The following PRKG1 variants were observed in gnomAD, a reference collection of about 807,000 sequenced individuals.
PRKG1 encodes protein kinase cGMP-dependent 1.
Under a neutral mutation model 88.1 loss-of-function variants are expected in PRKG1, and 35 were observed. The ratio of observed to expected loss-of-function variants is 0.40; its 90% CI spans 0.30 to 0.53. The LOEUF is 0.53. PRKG1 is among the 20% of genes least tolerant of loss of function. PRKG1 has a pLI of 0.59. For missense variants in PRKG1, 540 were observed against 839.8 expected (o/e 0.64, Z 4.41); for synonymous variants, 303 against 292.5 (o/e 1.04, Z -0.37).
intron 3 of PRKG1, among the ~76,000 whole-genome samples, chr10:51,681,546 A>G (rs968534178): frequency 2.6e-5 from 4 of 152,100 alleles, no homozygotes; most frequent in African/African-American, 9.7e-5. Context: ...AACCCCTCAG[A>G]TTTCTCTCTT....
intron 1 of PRKG1, among the ~76,000 whole-genome samples, chr10:51,104,744 T>TTATTA (rs1844785819): frequency 1.3e-5 from 2 of 150,988 alleles, no homozygotes; most frequent in South Asian, 4.2e-4. Context: ...ATTTATTTAT[T>TTATTA]TTGTGATGGA....
intron 5 of PRKG1, among the ~76,000 whole-genome samples, chr10:52,004,921 A>G (rs1844691441): frequency 6.6e-6 from 1 of 152,180 alleles, no homozygotes; most frequent in African/African-American, 2.4e-5. Context: ...ACTGATACCC[A>G]GTCTCCAAAA....
intron 3 of PRKG1, among the ~76,000 whole-genome samples, chr10:51,527,250 A>G (rs1841905625): frequency 1.3e-5 from 2 of 152,180 alleles, no homozygotes; most frequent in South Asian, 4.1e-4. Flanking sequence ...TAAAGGAGCA[A>G]ACATTCTATA....
chr10:51,902,043 T>G (rs1841991373), intron 4 of PRKG1, among the ~76,000 whole-genome samples: 1 of 152,166 alleles, frequency 6.6e-6, no homozygotes, highest in Non-Finnish European at 1.5e-5. Context: ...AATATGAGTC[T>G]TCTAATCACC....
At chr10:51,153,505 A>T (rs1173245215) in intron 2 of PRKG1, among the ~76,000 whole-genome samples, 175 bp downstream of exon 2, 1 of 152,032 alleles carries the variant, frequency 6.6e-6, no homozygotes, top group Admixed American at 6.6e-5. Context: ...AATTATGGGA[A>T]GTGTTTGTAT....
chr10:51,012,874 G>T (rs1320337927), intron 1 of PRKG1, among the ~76,000 whole-genome samples: 1 of 152,194 alleles, frequency 6.6e-6, no homozygotes, highest in African/African-American at 2.4e-5. Context: ...TTCTCAGGTG[G>T]CATTTAAACT....
chr10:51,609,809 G>A (rs1589128419), intron 3 of PRKG1, among the ~76,000 whole-genome samples: 1 of 152,064 alleles, frequency 6.6e-6, no homozygotes, highest in East Asian at 1.9e-4. Context: ...GACATAGGGA[G>A]GGGAACAACA....
chr10:51,215,393 A>T (rs1398760835), intron 2 of PRKG1, among the ~76,000 whole-genome samples: 1 of 152,204 alleles, frequency 6.6e-6, no homozygotes, highest in Non-Finnish European at 1.5e-5. Context: ...GCATTGTTAG[A>T]AACAAAAAGG....
chr10:51,094,214 T>C (rs571548870), intron 1 of PRKG1, among the ~76,000 whole-genome samples: 1 of 152,072 alleles, frequency 6.6e-6, no homozygotes, highest in East Asian at 1.9e-4. Context: ...TTTATAAATA[T>C]ATATATGTAT....
chr10:51,781,935 C>T lies in PRKG1; in HGVS notation c.593-22650C>T, dbSNP rs903473259. Among the ~76,000 whole-genome samples, 11 of 151,288 alleles carry T rather than the reference C, an allele frequency of 7.3e-5. No homozygotes were observed. In the East Asian group the frequency reaches 2.1e-3, roughly 29 times the overall value. ...ATCATCACGTTCCCCCTCACTTCAGCCCCCAACACCCATTGTATTTAGTTC... is the reference window on the plus strand; with the variant it reads ...ATCATCACGTTCCCCCTCACTTCAGTCCCCAACACCCATTGTATTTAGTTC... On this transcript the variant is annotated intron_variant, in intron 3 of 17. Transcript: ENST00000373980.
At chr10:51,923,309 A>C (rs1380293089) in intron 5 of PRKG1, among the ~76,000 whole-genome samples, 1 of 151,864 alleles carries the variant, frequency 6.6e-6, no homozygotes, top group Non-Finnish European at 1.5e-5. Context: ...GGGTTTTTAA[A>C]GATAACCTAT....
At chr10:51,994,132 C>T (rs1844377873) in intron 5 of PRKG1, among the ~76,000 whole-genome samples, 1 of 152,154 alleles carries the variant, frequency 6.6e-6, no homozygotes, top group African/African-American at 2.4e-5. Context: ...TTGCTGTGTT[C>T]ACCCTTTCTT....
At chr10:51,366,613 A>C (rs1002721060) in intron 2 of PRKG1, among the ~76,000 whole-genome samples, 1 of 151,922 alleles carries the variant, frequency 6.6e-6, no homozygotes, top group African/African-American at 2.4e-5. Context: ...AATCTGTTTA[A>C]ACAAACTGGA....
At chr10:51,213,491 A>T (rs930944251) in intron 2 of PRKG1, among the ~76,000 whole-genome samples, 3 of 152,210 alleles carry the variant, frequency 2.0e-5, no homozygotes, top group Non-Finnish European at 4.4e-5. Flanking sequence ...GTAGTTATAT[A>T]TGTCTTTCTA....
chr10:51,359,278 C>A (rs767634158), intron 2 of PRKG1, among the ~76,000 whole-genome samples: 4 of 151,716 alleles, frequency 2.6e-5, no homozygotes, highest in East Asian at 1.9e-4. Context: ...TTAAAGGTAG[C>A]CTTAGAATTG....
intron 5 of PRKG1, among the ~76,000 whole-genome samples, chr10:52,013,889 C>T (rs547321049): frequency 6.6e-5 from 10 of 152,286 alleles, no homozygotes; most frequent in Middle Eastern, 3.4e-3. Flanking sequence ...TCATGCAAGG[C>T]TTTCTCTCCT....
intron 5 of PRKG1, among the ~76,000 whole-genome samples, chr10:52,036,918 C>T (rs1314245633): frequency 6.6e-6 from 1 of 152,214 alleles, no homozygotes; most frequent in Non-Finnish European, 1.5e-5. Flanking sequence ...GAGTGGGTAG[C>T]CTCCGTATTG....
chr10:51,159,114 A>T (rs1159855095), intron 2 of PRKG1, among the ~76,000 whole-genome samples: 5 of 152,074 alleles, frequency 3.3e-5, no homozygotes, highest in Non-Finnish European at 7.4e-5. Context: ...ACCGCTTCAA[A>T]CTACAAGTTC....
At chr10:52,131,814 A>G (rs12263570) in intron 7 of PRKG1, among the ~76,000 whole-genome samples, 2 of 104,626 alleles carry the variant, frequency 1.9e-5, no homozygotes, top group Admixed American at 1.1e-4. Context: ...GCGAAACTCC[A>G]TCAAAAAAAA....
Sources: allele counts gnomAD v4.1 joint callset (sites outside exome capture counted in the v4.1 genomes callset), GRCh38; gene constraint gnomAD v4.1.1; transcripts MANE v1.5; gene names NCBI Gene and HGNC (gene_info 2026-07-23, HGNC 2026-07-21).